UGT8: variants seen among roughly 807,000 people sequenced by gnomAD.
The protein encoded by UGT8 is UDP glycosyltransferase 8.
Under a neutral mutation model 40.5 loss-of-function variants are expected in UGT8, and 12 were observed. The ratio of observed to expected loss-of-function variants is 0.30; its 90% CI spans 0.19 to 0.48. The LOEUF (loss-of-function observed/expected upper bound fraction) is 0.48, where lower values mean the gene tolerates loss of function less well. Among genes scored for constraint, UGT8 ranks in the 20% least tolerant of loss-of-function variants. UGT8 has a pLI of 0.99. For synonymous variants in UGT8, 224 were observed against 240.4 expected (o/e 0.93, Z 0.63); for missense variants, 513 against 648.7 (o/e 0.79, Z 2.27).
At chr4:114,619,192 A>G (rs1197910888) in intron 1 of UGT8, among the ~76,000 whole-genome samples, 1 of 152,118 alleles carries the variant, frequency 6.6e-6, no homozygotes, top group East Asian at 1.9e-4. Flanking sequence ...TCTATTTATA[A>G]CATGGGAAGG....
At chr4:114,627,900 T>C (rs999339441) in intron 2 of UGT8, among the ~76,000 whole-genome samples, 1 of 152,182 alleles carries the variant, frequency 6.6e-6, no homozygotes, top group African/African-American at 2.4e-5. Context: ...TTAACTAGAA[T>C]GTGAGTACCT....
chr4:114,624,553 C>T (rs988621246), intron 2 of UGT8, among the ~76,000 whole-genome samples: 2 of 151,992 alleles, frequency 1.3e-5, no homozygotes, highest in Non-Finnish European at 2.9e-5. Context: ...TTTAATCCTA[C>T]CTCTGGAAAT....
chr4:114,619,148 A>C (rs1379930965), intron 1 of UGT8, among the ~76,000 whole-genome samples: 1 of 152,114 alleles, frequency 6.6e-6, no homozygotes, highest in Non-Finnish European at 1.5e-5. Context: ...AAAACCCAAC[A>C]ATCATCCAGT....
At chr4:114,606,133 A>C (rs1466705010) in intron 1 of UGT8, among the ~76,000 whole-genome samples, 1 of 152,186 alleles carries the variant, frequency 6.6e-6, no homozygotes, top group African/African-American at 2.4e-5. Flanking sequence ...TCTGTAACAC[A>C]TCTTGAATAT....
chr4:114,606,825 C>T lies in UGT8; in HGVS notation c.-3+7851C>T, dbSNP rs559369330. Among the ~76,000 whole-genome samples, 20 of 152,118 alleles carry T rather than the reference C, an allele frequency of 1.3e-4. 1 individual carries two copies. In the South Asian group the frequency reaches 4.1e-3, roughly 32 times the overall value. On this transcript the variant is annotated intron_variant, in intron 1 of 5. Coordinates refer to ENST00000310836, the MANE Select transcript of UGT8 (RefSeq NM_001128174.3). ...ATAGTGTTTCAGTGTCATATCTGGG[C>T]TTTATGTAAACTGGGTGTGTTATAG...
At chr4:114,656,146 C>T (rs1216496223) in intron 2 of UGT8, among the ~76,000 whole-genome samples, 1 of 152,110 alleles carries the variant, frequency 6.6e-6, no homozygotes, top group African/African-American at 2.4e-5. Context: ...GTGTTACTTA[C>T]AAGACTTCTT....
chr4:114,615,816 A>G (rs994828606), intron 1 of UGT8, among the ~76,000 whole-genome samples: 2 of 152,238 alleles, frequency 1.3e-5, no homozygotes, highest in Non-Finnish European at 2.9e-5. Context: ...TTAGAGAGGT[A>G]GAGAAAAATT....
intron 4 of UGT8, 186 bp from the exon 5 acceptor site, chr4:114,667,899 C>A: frequency 1.0e-6 from 1 of 961,252 alleles, no homozygotes; most frequent in Non-Finnish European, 1.2e-6. Flanking sequence ...ATATCAAAAT[C>A]TGACAATTAG....
At chr4:114,632,540 A>G (rs1732639691) in intron 2 of UGT8, among the ~76,000 whole-genome samples, 1 of 152,226 alleles carries the variant, frequency 6.6e-6, no homozygotes, top group African/African-American at 2.4e-5. Context: ...ACTTGGTTCT[A>G]CTTCATTGAA....
chr4:114,603,969 T>G (rs1011794828), intron 1 of UGT8, among the ~76,000 whole-genome samples: 1 of 152,172 alleles, frequency 6.6e-6, no homozygotes, highest in Non-Finnish European at 1.5e-5. Context: ...ACTTTTAACT[T>G]TTTTGGTTAG....
chr4:114,613,505 A>T (rs1731213362), intron 1 of UGT8, among the ~76,000 whole-genome samples: 1 of 152,178 alleles, frequency 6.6e-6, no homozygotes, highest in African/African-American at 2.4e-5. Context: ...GGTACTTTGT[A>T]TATAGAAATT....
chr4:114,630,709 C>T (rs988535050), intron 2 of UGT8, among the ~76,000 whole-genome samples: 4 of 151,596 alleles, frequency 2.6e-5, no homozygotes, highest in Admixed American at 6.6e-5. Flanking sequence ...GTGTGAGATA[C>T]GTGGTTCTTA....
chr4:114,616,409 A>T (rs965911289), intron 1 of UGT8, among the ~76,000 whole-genome samples: 3 of 152,030 alleles, frequency 2.0e-5, no homozygotes, highest in African/African-American at 7.2e-5. Context: ...CATGCGGGGG[A>T]TATAATCTCC....
chr4:114,652,907 T>C (rs1210136966), intron 2 of UGT8, among the ~76,000 whole-genome samples: 4 of 152,034 alleles, frequency 2.6e-5, no homozygotes, highest in Admixed American at 2.6e-4. Context: ...TTAAATTGTT[T>C]TTATGTAAGG....
intron 2 of UGT8, among the ~76,000 whole-genome samples, chr4:114,655,112 T>G (rs919256183): frequency 6.6e-6 from 1 of 151,762 alleles, no homozygotes; most frequent in African/African-American, 2.4e-5. Context: ...GTTATTTAGA[T>G]GCTGAAATTG....
intron 1 of UGT8, among the ~76,000 whole-genome samples, chr4:114,604,183 A>G (rs1406864319): frequency 6.6e-6 from 1 of 152,202 alleles, no homozygotes; most frequent in Non-Finnish European, 1.5e-5. Context: ...TTAAACCTCC[A>G]GGTTTCTAAT....
intron 2 of UGT8, among the ~76,000 whole-genome samples, chr4:114,647,595 A>G (rs1733654224): frequency 6.6e-6 from 1 of 152,136 alleles, no homozygotes; most frequent in African/African-American, 2.4e-5. Context: ...CGAACTCTTG[A>G]TCTCAAATGA....
At chr4:114,663,947 A>C (rs1734702320) in intron 2 of UGT8, 48 bp from the exon 3 acceptor site, 15 of 1,597,020 alleles carry the variant, frequency 9.4e-6, no homozygotes, top group Non-Finnish European at 1.3e-5. Context: ...CACCAATTAT[A>C]AACTACATTG....
At chr4:114,675,536 T>G (rs11098262) in intron 5 of UGT8, among the ~76,000 whole-genome samples, 4 of 151,388 alleles carry the variant, frequency 2.6e-5, no homozygotes, top group Admixed American at 1.3e-4. Context: ...GTCAGGAGAT[T>G]GAGACCATCC....
Sources: allele counts gnomAD v4.1 joint callset (sites outside exome capture counted in the v4.1 genomes callset), GRCh38; gene constraint gnomAD v4.1.1; transcripts MANE v1.5; gene names NCBI Gene and HGNC (gene_info 2026-07-23, HGNC 2026-07-21).